GSE1: variants seen among roughly 807,000 people sequenced by gnomAD.
GSE1 encodes Gse1 coiled-coil protein.
GSE1 carries 32 observed loss-of-function variants against 112.6 expected under a neutral mutation model. That is an observed-to-expected ratio of 0.28 (90% CI 0.21 to 0.38). The LOEUF is 0.38. GSE1 is among the 10% of genes least tolerant of loss of function. GSE1 has a pLI of 1.00. For synonymous variants in GSE1, 1,115 were observed against 735.6 expected (o/e 1.52, Z -8.35); for missense variants, 2,348 against 1,699.2 (o/e 1.38, Z -6.71).
chr16:85,663,207 G>A lies in GSE1; in HGVS notation c.2373+114G>A, dbSNP rs550033868. On this transcript the variant is annotated intron_variant, in intron 10 of 15. Coordinates refer to ENST00000253458, the MANE Select transcript of GSE1 (RefSeq NM_014615.5). ...GTTCCTCCGAAGTCCTGGCGGGTTC[G>A]CCCCATGAAGCTCTTCTCCCACCAG... The A allele has an allele frequency of 4.5e-5, 57 of 1,266,230 alleles. No homozygotes were observed. In the East Asian group the frequency reaches 7.6e-4, roughly 17 times the overall value. 78.4% of individuals were successfully genotyped at this position (1,266,230 alleles called of 1,614,324 possible). A position where few individuals can be genotyped will look rare whatever the true frequency, so the allele number is the denominator to read the frequency against.
intron 2 of GSE1, among the ~76,000 whole-genome samples, chr16:85,369,366 G>A (rs1328809071): frequency 6.6e-6 from 1 of 151,220 alleles, no homozygotes; most frequent in Non-Finnish European, 1.5e-5. Context: ...ACAGACATGC[G>A]ACACCATTCC....
intron 2 of GSE1, among the ~76,000 whole-genome samples, chr16:85,402,682 G>A (rs1475518910): frequency 2.0e-5 from 3 of 152,150 alleles, no homozygotes; most frequent in Non-Finnish European, 2.9e-5. Context: ...AGCATTTCAG[G>A]AGGCTGAGGC....
intron 2 of GSE1, among the ~76,000 whole-genome samples, chr16:85,478,980 C>T (rs1251167994): frequency 8.9e-6 from 1 of 112,064 alleles, no homozygotes; most frequent in African/African-American, 3.7e-5. Context: ...TCCTTCCTTC[C>T]TTCCTTCCTT....
At chr16:85,667,034 C>T (rs1360918410) in intron 13 of GSE1, among the ~76,000 whole-genome samples, 3 of 152,204 alleles carry the variant, frequency 2.0e-5, no homozygotes, top group African/African-American at 7.2e-5. Context: ...AGATACTATG[C>T]CACTTTATAT....
upstream of GSE1, among the ~76,000 whole-genome samples, chr16:85,610,078 G>A (rs368448297): frequency 1.5e-4 from 23 of 152,352 alleles, no homozygotes; most frequent in East Asian, 2.9e-3. Context: ...GGCAGGTGAG[G>A]GGCTGGGAGC....
intron 2 of GSE1, among the ~76,000 whole-genome samples, chr16:85,640,267 G>A (rs977722776): frequency 3.5e-4 from 54 of 152,186 alleles, no homozygotes; most frequent in African/African-American, 1.1e-3. Flanking sequence ...AACACCGGCC[G>A]GGGGCTCATG....
intron 1 of GSE1, among the ~76,000 whole-genome samples, chr16:85,291,480 C>T (rs942765829): frequency 1.3e-5 from 2 of 152,364 alleles, no homozygotes; most frequent in African/African-American, 2.4e-5. Flanking sequence ...CCTCCTCCCC[C>T]GGCCCCCGCG....
At chr16:85,326,703 C>T (rs758416027) in intron 1 of GSE1, among the ~76,000 whole-genome samples, 14 of 152,188 alleles carry the variant, frequency 9.2e-5, no homozygotes, top group East Asian at 1.9e-4. Flanking sequence ...TCGGATATTT[C>T]GCCATAGCAG....
chr16:85,306,463 G>A (rs1370037901), intron 1 of GSE1: 2 of 152,378 alleles, frequency 1.3e-5, no homozygotes, highest in African/African-American at 2.4e-5. Context: ...AGTTTTTCCG[G>A]TCAGAGCCAA....
chr16:85,634,133 G>A lies in GSE1; in HGVS notation c.226+1G>A. ...GCCAAACAGGCGGAGGAGCCCAGAG[G>A]TAAGGGGGCCCGCCAGGCTGCGCGT... On this transcript the variant is annotated splice_donor_variant, in intron 2 of 15. Coordinates refer to ENST00000253458, the MANE Select transcript of GSE1 (RefSeq NM_014615.5). LOFTEE classifies it high-confidence loss of function. 6.8e-7 allele frequency: 1 copy of A among 1,480,040 alleles called. No individual in the cohort carries two copies. Among genetic ancestry groups the A allele is most frequent in the Non-Finnish European group, 8.9e-7 (1 of 1,123,032 alleles). The allele number at this position is 1,480,040 out of a possible 1,614,324, so 91.7% of individuals were successfully genotyped here.
chr16:85,541,812 C>T (rs910500878), intron 2 of GSE1, among the ~76,000 whole-genome samples: 3 of 152,186 alleles, frequency 2.0e-5, no homozygotes, highest in Non-Finnish European at 4.4e-5. Flanking sequence ...GTCCCTGCCT[C>T]GCTGCTTGTC....
Position 85,656,670 on chromosome 16 carries a change from C to T in GSE1, c.1312+5C>T, listed in dbSNP as rs1392315455. ...AGCTGACCCCAACCCGAGCAGGTAC[C>T]TGGGCGTGGGTGGGCTGTGCTGGGC... On this transcript the variant is annotated splice_donor_5th_base_variant and intron_variant, in intron 7 of 15. Coordinates refer to ENST00000253458, the MANE Select transcript of GSE1 (RefSeq NM_014615.5). 2.0e-6 allele frequency: 3 copies of T among 1,505,200 alleles called. No homozygotes were observed. The highest frequency in any genetic ancestry group is 2.5e-5 in the East Asian group (1 of 40,428). 93.2% of individuals were successfully genotyped at this position (1,505,200 alleles called of 1,614,324 possible).
chr16:85,655,150 A>T (rs1271653248), intron 5 of GSE1, among the ~76,000 whole-genome samples, 159 bp downstream of exon 5: 4 of 152,188 alleles, frequency 2.6e-5, no homozygotes, highest in African/African-American at 9.7e-5. Context: ...GCCTAAATTC[A>T]GCCCTGATGG....
intron 1 of GSE1, among the ~76,000 whole-genome samples, chr16:85,299,261 G>A (rs1198572026): frequency 2.0e-5 from 3 of 152,348 alleles, no homozygotes; most frequent in East Asian, 1.9e-4. Flanking sequence ...TCCTAAATGC[G>A]CCAGGTGCTG....
At chr16:85,541,808 G>C (rs1287590728) in intron 2 of GSE1, among the ~76,000 whole-genome samples, 1 of 152,202 alleles carries the variant, frequency 6.6e-6, no homozygotes, top group Non-Finnish European at 1.5e-5. Flanking sequence ...CCACGTCCCT[G>C]CCTCGCTGCT....
At chr16:85,267,722 C>T (rs1350701207) in intron 1 of GSE1, among the ~76,000 whole-genome samples, 4 of 152,162 alleles carry the variant, frequency 2.6e-5, no homozygotes, top group African/African-American at 9.7e-5. Context: ...TTCCTTTGCT[C>T]AGACAACTCC....
chr16:85,473,304 C>G (rs986239758), intron 2 of GSE1, among the ~76,000 whole-genome samples: 2 of 152,110 alleles, frequency 1.3e-5, no homozygotes, highest in African/African-American at 4.8e-5. Flanking sequence ...GCTGTGGAAA[C>G]CAAGTTAGTG....
In GSE1 at chr16:85,331,533, A is replaced by ATGTG. The variant is rs199539029; in HGVS notation, c.2284-25928_2284-25925dup. 4.6e-5 allele frequency among the ~76,000 whole-genome samples: 5 copies of ATGTG among 109,876 alleles called. No individual in the cohort carries two copies. The South Asian group carries it at 1.4e-3, about 32-fold the overall frequency. 72.1% of individuals were successfully genotyped at this position (109,876 alleles called of 152,430 possible). On this transcript the variant is annotated intron_variant, in intron 1 of 2. Coordinates refer to the GSE1 transcript ENST00000637419. Reference sequence around the variant, plus strand: ...TGTATATATGTGTATATATGTGTATATGTGTATATGTGTGTATATATGTGT... The same window carrying ATGTG: ...TGTATATATGTGTATATATGTGTATATGTGTGTGTATATGTGTGTATATATGTGT...
Position 85,311,299 on chromosome 16 carries a change from G to A in GSE1, c.2284-46164G>A, listed in dbSNP as rs1050766248. Reference sequence around the variant, plus strand: ...TGTGCCATCCTCTCTGCCAGGCAGCGGGCTCCCTGGACAGGGTGGGCGTCG... The same window carrying A: ...TGTGCCATCCTCTCTGCCAGGCAGCAGGCTCCCTGGACAGGGTGGGCGTCG... On this transcript the variant is annotated intron_variant, in intron 1 of 2. Coordinates refer to the GSE1 transcript ENST00000637419. This position sits in a 1 kb window ranked among gnomAD's most constrained non-coding sequence, Gnocchi z 4.2. 2.6e-5 allele frequency among the ~76,000 whole-genome samples: 4 copies of A among 152,196 alleles called. No individual in the cohort carries two copies. Among genetic ancestry groups the A allele is most frequent in the Non-Finnish European group, 5.9e-5 (4 of 68,032 alleles).
Sources: allele counts gnomAD v4.1 joint callset (sites outside exome capture counted in the v4.1 genomes callset), GRCh38; gene constraint gnomAD v4.1.1; non-coding constraint Gnocchi (gnomAD v3.1); transcripts MANE v1.5; gene names NCBI Gene and HGNC (gene_info 2026-07-23, HGNC 2026-07-21).